The following SNX13 variants were observed in gnomAD, a reference collection of about 807,000 sequenced individuals.
SNX13 encodes the protein sorting nexin-13.
A neutral mutation model predicts 133.6 loss-of-function variants in SNX13; 45 were observed. That is an observed-to-expected ratio of 0.34 (90% CI 0.27 to 0.43). The LOEUF is 0.43. SNX13 is among the 20% of genes least tolerant of loss of function. SNX13 has a pLI of 1.00. For synonymous variants in SNX13, 414 were observed against 373.9 expected, an observed-to-expected ratio of 1.11 and a Z score of -1.24; for missense variants, 1,032 against 1,145.1, an observed-to-expected ratio of 0.90 and a Z score of 1.43.
intron 9 of SNX13, among the ~76,000 whole-genome samples, chr7:17,856,749 C>A: frequency 7.0e-6 from 1 of 142,670 alleles, no homozygotes. Context: ...GATCATGCCA[C>A]CACACTCCAG....
At chr7:17,801,864 A>G (rs573293792) in intron 21 of SNX13, among the ~76,000 whole-genome samples, 10 of 152,154 alleles carry the variant, frequency 6.6e-5, no homozygotes, top group Non-Finnish European at 1.5e-5. Flanking sequence ...TACAAAATAA[A>G]TGACTTTTGA....
intron 5 of SNX13, chr7:17,880,341 T>A (rs1045757561): frequency 1.3e-5 from 2 of 152,348 alleles, no homozygotes; most frequent in Admixed American, 1.3e-4. Flanking sequence ...AGTGACTTGG[T>A]TTTCATAGAA....
intron 5 of SNX13, among the ~76,000 whole-genome samples, chr7:17,885,458 T>C (rs1160125808): frequency 2.0e-5 from 3 of 152,206 alleles, no homozygotes; most frequent in African/African-American, 4.8e-5. Context: ...CTACTGACTT[T>C]AAGTGGGTGA....
chr7:17,927,326 T>C (rs1463936168), intron 1 of SNX13, among the ~76,000 whole-genome samples: 1 of 151,858 alleles, frequency 6.6e-6, no homozygotes, highest in Non-Finnish European at 1.5e-5. Flanking sequence ...CACTGCAGCC[T>C]CCAACACCTG....
At chr7:17,812,333 C>T (rs1012105354) in intron 20 of SNX13, among the ~76,000 whole-genome samples, 5 of 152,044 alleles carry the variant, frequency 3.3e-5, no homozygotes, top group East Asian at 1.9e-4. Flanking sequence ...AGAAAGTGGG[C>T]GAACGATACG....
At chr7:17,913,338 G>A (rs1042983174) in intron 1 of SNX13, among the ~76,000 whole-genome samples, 4 of 152,140 alleles carry the variant, frequency 2.6e-5, no homozygotes, top group African/African-American at 4.8e-5. Flanking sequence ...TCCAGGGAAC[G>A]GGGTCTGAAA....
intron 8 of SNX13, among the ~76,000 whole-genome samples, chr7:17,872,512 C>A (rs1583568420): frequency 1.3e-5 from 2 of 152,098 alleles, no homozygotes; most frequent in Non-Finnish European, 2.9e-5. Context: ...ACTTGCCACC[C>A]GTCATAATGA....
chr7:17,806,280 T>C (rs1379976418), intron 20 of SNX13, among the ~76,000 whole-genome samples: 3 of 152,198 alleles, frequency 2.0e-5, no homozygotes, highest in Non-Finnish European at 4.4e-5. Flanking sequence ...CTGTTACTTT[T>C]TCTAAAAATT....
rs1382119351 is a variant in SNX13, at chr7:17,801,014, A to T, written c.2298+574T>A. The stretch of plus-strand genomic sequence containing the variant: ...CAGTATCTACTAAAACTGAACATAT[A>T]TATATATATATATATATATATATAT... On this transcript the variant is annotated intron_variant, in intron 22 of 25. Coordinates refer to ENST00000428135, the MANE Select transcript of SNX13 (RefSeq NM_015132.5). 9.9e-3 allele frequency among the ~76,000 whole-genome samples: 85 copies of T among 8,574 alleles called. 2 individuals carry two copies. The highest frequency in any genetic ancestry group is 0.023 in the African/African-American group (74 of 3,190). 5.6% of individuals were successfully genotyped at this position (8,574 alleles called of 152,430 possible).
chr7:17,796,824 C>T lies in SNX13; in HGVS notation c.2626+3G>A, dbSNP rs371937327. The T allele has an allele frequency of 1.4e-5, 22 of 1,587,950 alleles. 1 individual carries two copies. The African/African-American group carries it at 2.6e-4, about 18-fold the overall frequency. On this transcript the variant is annotated splice_donor_region_variant and intron_variant, in intron 25 of 25. Coordinates refer to ENST00000428135, the MANE Select transcript of SNX13 (RefSeq NM_015132.5). ...AGATTTTTAACTATACATGCTCACT[C>T]ACCTGGCATAATTGCAAGTAATTTC... is the stretch of plus-strand genomic sequence containing the variant.
chr7:17,852,671 A>G (rs1791373029), intron 9 of SNX13, among the ~76,000 whole-genome samples: 1 of 152,238 alleles, frequency 6.6e-6, no homozygotes, highest in African/African-American at 2.4e-5. Context: ...GACTTCTTTC[A>G]TCTTCTTTTT....
chr7:17,805,254 T>TGG, intron 20 of SNX13, among the ~76,000 whole-genome samples: 1 of 132,526 alleles, frequency 7.5e-6, no homozygotes, highest in South Asian at 2.5e-4. Context: ...TGTGTGTGCG[T>TGG]GCGCGCGCGC....
intron 16 of SNX13, among the ~76,000 whole-genome samples, chr7:17,826,592 T>C (rs1455605081): frequency 6.6e-6 from 1 of 152,082 alleles, no homozygotes; most frequent in Non-Finnish European, 1.5e-5. Context: ...AAATAAGACA[T>C]GTAAGACATT....
chr7:17,904,174 A>G (rs1472336120), intron 1 of SNX13, among the ~76,000 whole-genome samples: 1 of 152,226 alleles, frequency 6.6e-6, no homozygotes, highest in Non-Finnish European at 1.5e-5. Context: ...AAAGATATTT[A>G]TGATAGGAAA....
intron 1 of SNX13, among the ~76,000 whole-genome samples, chr7:17,906,229 A>C (rs1798381896): frequency 6.6e-6 from 1 of 152,182 alleles, no homozygotes; most frequent in Non-Finnish European, 1.5e-5. Context: ...CCAAAAGAAC[A>C]AATGAAAGAG....
chr7:17,813,989 T>A (rs936920402), intron 20 of SNX13, among the ~76,000 whole-genome samples: 2 of 152,192 alleles, frequency 1.3e-5, no homozygotes, highest in Non-Finnish European at 2.9e-5. Context: ...AGAAACTCCT[T>A]GTTCTTTTTA....
intron 20 of SNX13, among the ~76,000 whole-genome samples, chr7:17,804,439 T>C (rs746562854): frequency 3.9e-5 from 6 of 152,014 alleles, no homozygotes; most frequent in Non-Finnish European, 8.8e-5. Context: ...TTGAAGTTCA[T>C]TACAAAGAAG....
At chr7:17,895,618 CA>C in intron 2 of SNX13, among the ~76,000 whole-genome samples, 1 of 152,212 alleles carries the variant, frequency 6.6e-6, no homozygotes, top group South Asian at 2.1e-4. Context: ...CAAATTTTTA[CA>C]GAACTTTGTA....
At chr7:17,837,802 T>C (rs891504074) in intron 13 of SNX13, among the ~76,000 whole-genome samples, 10 of 152,014 alleles carry the variant, frequency 6.6e-5, no homozygotes, top group Non-Finnish European at 1.3e-4. Context: ...TAGAAAATCC[T>C]GTTAAAGTTG....
Sources: gnomAD v4.1 joint callset for allele counts (sites outside exome capture counted in the v4.1 genomes callset) on GRCh38, gnomAD v4.1.1 for gene constraint, MANE v1.5 for transcripts, NCBI Gene and HGNC (gene_info 2026-07-23, HGNC 2026-07-21) for gene names.